Variants in ARID5B observed in about 807,000 individuals in gnomAD.
ARID5B encodes the protein AT-rich interactive domain-containing protein 5B.
A neutral mutation model predicts 97.2 loss-of-function variants in ARID5B; 13 were observed. The observed-to-expected ratio is 0.13, with a 90% CI of 0.09 to 0.21. The LOEUF (loss-of-function observed/expected upper bound fraction) is 0.21. Among genes scored for constraint, ARID5B ranks in the 10% least tolerant of loss-of-function variants. The pLI is 1.00. For missense variants in ARID5B, 1,210 were observed against 1,465.3 expected (o/e 0.83, Z 2.84); for synonymous variants, 556 against 570.3 (o/e 0.97, Z 0.36).
intron 3 of ARID5B, among the ~76,000 whole-genome samples, chr10:61,993,432 C>T (rs964801753): frequency 5.9e-5 from 9 of 152,076 alleles, no homozygotes; most frequent in Admixed American, 1.3e-4. Flanking sequence ...TGTATAATGT[C>T]CTGTAATTAG....
intron 3 of ARID5B, among the ~76,000 whole-genome samples, chr10:61,963,683 G>A (rs1209256037): frequency 6.6e-6 from 1 of 151,892 alleles, no homozygotes; most frequent in African/African-American, 2.4e-5. Flanking sequence ...GATACATGAG[G>A]GTGTTAGTGG....
chr10:61,919,417 A>C (rs1843972709), intron 2 of ARID5B, among the ~76,000 whole-genome samples: 1 of 151,992 alleles, frequency 6.6e-6, no homozygotes, highest in Non-Finnish European at 1.5e-5. Context: ...TTCCAATCCA[A>C]CTCTGAAAGA....
chr10:61,924,564 T>C (rs570784407), intron 2 of ARID5B, among the ~76,000 whole-genome samples: 50 of 152,238 alleles, frequency 3.3e-4, no homozygotes, highest in Admixed American at 1.7e-3. Flanking sequence ...AGGATAATAA[T>C]GTGAACTGTG....
rs145846512 is a variant in ARID5B, at chr10:62,017,329, G to A, written c.733+17008G>A. Among the ~76,000 whole-genome samples the A allele has an allele frequency of 5.5e-4, 84 of 152,148 alleles. 1 individual carries two copies. Among genetic ancestry groups the A allele is most frequent in the African/African-American group, 1.5e-3 (64 of 41,494 alleles). On this transcript the variant is annotated intron_variant, in intron 4 of 9. Coordinates refer to ENST00000279873, the MANE Select transcript of ARID5B (RefSeq NM_032199.3). ...TTAGCCAGGTGTGGTGACATGCCCC[G>A]TAATCCTAGCTACTGAGGAGGCTGA...
intron 4 of ARID5B, among the ~76,000 whole-genome samples, chr10:62,008,061 A>ACCAC (rs1360080055): frequency 1.5e-5 from 1 of 66,530 alleles, no homozygotes. Context: ...CCCGCCCCAC[A>ACCAC]ACACACACAC....
chr10:61,959,826 G>C (rs1003248201), intron 3 of ARID5B, among the ~76,000 whole-genome samples: 1 of 152,172 alleles, frequency 6.6e-6, no homozygotes, highest in African/African-American at 2.4e-5. Context: ...ACCTAGTCTA[G>C]TGGGGCTATA....
chr10:62,036,918 A>G (rs1839572273), intron 4 of ARID5B, among the ~76,000 whole-genome samples: 1 of 152,230 alleles, frequency 6.6e-6, no homozygotes, highest in South Asian at 2.1e-4. Flanking sequence ...CCATCATTTT[A>G]TAAATGACTC....
chr10:62,011,360 A>AGAT (rs896816609), intron 4 of ARID5B, among the ~76,000 whole-genome samples: 71 of 152,294 alleles, frequency 4.7e-4, no homozygotes, highest in African/African-American at 1.5e-3. Flanking sequence ...AGTTCTTTTG[A>AGAT]GATTTGTCTT....
At chr10:61,956,159 C>T (rs963366661) in intron 3 of ARID5B, among the ~76,000 whole-genome samples, 6 of 152,184 alleles carry the variant, frequency 3.9e-5, no homozygotes, top group African/African-American at 1.4e-4. Flanking sequence ...GAAACTGGGC[C>T]GCACAGCAGA....
chr10:62,004,513 T>G (rs1484871113), intron 4 of ARID5B, among the ~76,000 whole-genome samples: 1 of 152,232 alleles, frequency 6.6e-6, no homozygotes, highest in Non-Finnish European at 1.5e-5. Flanking sequence ...AATTTTTTCT[T>G]CATAAGAATC....
In ARID5B at chr10:62,000,112, A is replaced by T; in HGVS notation, c.524A>T (p.Asn175Ile). The change falls in exon 4 of 10, where the codon AAC becomes ATC. Residue 175 changes from asparagine (N) to isoleucine (I), a missense_variant. Around this residue, in one of 8 missense-constraint regions of ARID5B, gnomAD observed 82 missense variants for 79.3 expected, o/e 1.03. Coordinates refer to ENST00000279873, the MANE Select transcript of ARID5B (RefSeq NM_032199.3). This position sits in a 1 kb window ranked among gnomAD's most constrained non-coding sequence, Gnocchi z 4.4. Reference protein sequence around the residue: ...ADLGEDEEETNVIVLSYPQYC... With the variant: ...ADLGEDEEETIVIVLSYPQYC... ...CTAGGGGAGGACGAGGAAGAAACGAACGTGATAGTTCTCAGCTACCCCCAG... is the reference window on the plus strand; with the variant it reads ...CTAGGGGAGGACGAGGAAGAAACGATCGTGATAGTTCTCAGCTACCCCCAG... 6.2e-7 allele frequency: 1 copy of T among 1,613,894 alleles called. No homozygotes were observed. The highest frequency in any genetic ancestry group is 8.5e-7 in the Non-Finnish European group (1 of 1,179,854).
At position 61,976,858 on chromosome 10, in the gene ARID5B, CTT is replaced by C. The variant is rs11332367; in HGVS notation, c.503-23220_503-23219del. 3.7e-3 allele frequency among the ~76,000 whole-genome samples: 540 copies of C among 145,108 alleles called. 2 individuals are homozygous for C. The highest frequency in any genetic ancestry group is 8.0e-3 in the East Asian group (40 of 5,018). On this transcript the variant is annotated intron_variant, in intron 3 of 9. Transcript: ENST00000279873. ...TGTTTGTGGGAGAGAAACTTTCTTT[CTT>C]TTTTTTTTTTTTATTATACTTTAAG... is the stretch of plus-strand genomic sequence containing the variant.
At chr10:61,961,519 G>T (rs1838470436) in intron 3 of ARID5B, among the ~76,000 whole-genome samples, 1 of 152,202 alleles carries the variant, frequency 6.6e-6, no homozygotes, top group Non-Finnish European at 1.5e-5. Context: ...GCTCAGAAGT[G>T]TAACTGCCAC....
At chr10:61,960,965 C>A (rs1188446689) in intron 3 of ARID5B, among the ~76,000 whole-genome samples, 1 of 152,218 alleles carries the variant, frequency 6.6e-6, no homozygotes, top group African/African-American at 2.4e-5. Context: ...TATAATAAAT[C>A]TATCTGATAG....
intron 7 of ARID5B, among the ~76,000 whole-genome samples, chr10:62,065,082 C>T (rs115048076): frequency 0.013 from 1,948 of 152,172 alleles, 43 homozygotes; most frequent in African/African-American, 0.044. Flanking sequence ...CCTCTAAAGA[C>T]GGTTTGAAAC....
chr10:62,034,402 C>T (rs900289142), intron 4 of ARID5B, among the ~76,000 whole-genome samples: 1 of 152,130 alleles, frequency 6.6e-6, no homozygotes, highest in Non-Finnish European at 1.5e-5. Flanking sequence ...CTTTATGGTG[C>T]CAGGCCTGAC....
intron 3 of ARID5B, among the ~76,000 whole-genome samples, chr10:61,965,724 A>G (rs1366064989): frequency 6.6e-6 from 1 of 152,232 alleles, no homozygotes; most frequent in Non-Finnish European, 1.5e-5. Context: ...TCAGTAGAAC[A>G]CTGGCCACTA....
intron 6 of ARID5B, 70 bp from the exon 7 acceptor site, chr10:62,059,173 G>T: frequency 2.5e-6 from 3 of 1,223,968 alleles, no homozygotes; most frequent in Non-Finnish European, 3.5e-6. Flanking sequence ...AAAAAAAAAT[G>T]TTTTAATTGA....
At chr10:62,032,645 G>A (rs1839512188) in intron 4 of ARID5B, among the ~76,000 whole-genome samples, 1 of 152,152 alleles carries the variant, frequency 6.6e-6, no homozygotes, top group Non-Finnish European at 1.5e-5. Context: ...AACCCAGGAG[G>A]TGGAGGTTGC....
Sources: allele counts gnomAD v4.1 joint callset (sites outside exome capture counted in the v4.1 genomes callset), GRCh38; gene constraint gnomAD v4.1.1; regional missense constraint gnomAD v4.1.1; non-coding constraint Gnocchi (gnomAD v3.1); transcripts MANE v1.5; gene names NCBI Gene and HGNC (gene_info 2026-07-23, HGNC 2026-07-21).